UGT1A3: variants seen among roughly 807,000 people sequenced by gnomAD.
UGT1A3 encodes the protein UDP glucuronosyltransferase family 1 member A3, also known as UDP-glucuronosyltransferase 1A3.
A neutral mutation model predicts 41.0 loss-of-function variants in UGT1A3; 31 were observed. The observed-to-expected ratio is 0.76, with a 90% confidence interval of 0.57 to 1.02. UGT1A3 has a LOEUF of 1.02. UGT1A3 is among the 50% of genes least tolerant of loss of function. The pLI, the probability that UGT1A3 is intolerant of heterozygous loss-of-function variation, is 0.00. For missense variants in UGT1A3, 737 were observed against 671.0 expected (o/e 1.10, Z -1.09); for synonymous variants, 262 against 257.6 (o/e 1.02, Z -0.17).
At chr2:233,753,876 C>T (rs1268305886) in intron 1 of UGT1A3, among the ~76,000 whole-genome samples, 1 of 152,310 alleles carries the variant, frequency 6.6e-6, no homozygotes, top group East Asian at 1.9e-4. Flanking sequence ...AAGGTCTGTC[C>T]TCAGCCTTCA....
Position 233,744,054 on chromosome 2 carries a change from T to C in UGT1A3, c.867+14061T>C, listed in dbSNP as rs150741507. ...TTATGACGCAGCCACATCTCATTGG[T>C]CGAGGCCTATGAGCGCCTCGCATCC... On this transcript the variant is annotated intron_variant, in intron 1 of 4. Transcript: ENST00000482026. The C allele has an allele frequency of 5.9e-3, 3,770 of 635,096 alleles. 152 individuals carry two copies. In the East Asian group the frequency reaches 0.082, roughly 14 times the overall value. 39.3% of individuals were successfully genotyped at this position (635,096 alleles called of 1,614,324 possible).
chr2:233,746,532 C>T (rs1693419043), intron 1 of UGT1A3, among the ~76,000 whole-genome samples: 1 of 151,756 alleles, frequency 6.6e-6, no homozygotes, highest in South Asian at 2.1e-4. Context: ...CATATTGCTG[C>T]CCTGCTGTGT....
intron 1 of UGT1A3, chr2:233,747,817 C>T: frequency 6.2e-7 from 1 of 1,613,510 alleles, no homozygotes; most frequent in South Asian, 1.1e-5. Flanking sequence ...ACGACCAATT[C>T]AGACCACATG....
In UGT1A3 at chr2:233,730,000, A is replaced by T. The variant is rs569428615; in HGVS notation, c.867+7A>T. On this transcript the variant is annotated splice_region_variant and intron_variant, in intron 1 of 4. Transcript: ENST00000482026. ...CAGGAAGCCACTATCTCAGGTCTGT[A>T]TTGGTGCCTTCATCCAATCAATGTT... is the stretch of plus-strand genomic sequence containing the variant. The T allele has an allele frequency of 9.3e-6, 15 of 1,614,004 alleles. No individual in the cohort carries two copies. Among genetic ancestry groups the T allele is most frequent in the Non-Finnish European group, 1.1e-5 (13 of 1,179,908 alleles).
At position 233,760,758 on chromosome 2, in the gene UGT1A3, C is replaced by T. The variant is rs765894633; in HGVS notation, c.868-6276C>T. The stretch of plus-strand genomic sequence containing the variant: ...TGACGGACCCTTTCCTTCCTTGCAG[C>T]CCCATCGTGGCCCAGTACCTGTCTC... On this transcript the variant is annotated intron_variant, in intron 1 of 4. Transcript: ENST00000482026. 28 of 1,613,982 alleles carry T rather than the reference C, an allele frequency of 1.7e-5. No homozygotes were observed. In the Admixed American group the frequency reaches 3.0e-4, roughly 17 times the overall value.
At chr2:233,757,533 GGAA>G in intron 1 of UGT1A3, among the ~76,000 whole-genome samples, 1 of 52,410 alleles carries the variant, frequency 1.9e-5, no homozygotes, top group African/African-American at 1.3e-4. Context: ...TTGCCTGTAA[GGAA>G]TATATATATA....
Position 233,766,262 on chromosome 2 carries a change from C to T in UGT1A3, c.868-772C>T, listed in dbSNP as rs34353734. On this transcript the variant is annotated intron_variant, in intron 1 of 4. Coordinates refer to ENST00000482026, the MANE Select transcript of UGT1A3 (RefSeq NM_019093.4). ...CCCCTGGAGTCAGACCGCTCAGTGG[C>T]CCGGGCTCGGTGGCCCGGGCTCGGT... is the stretch of plus-strand genomic sequence containing the variant. Among the ~76,000 whole-genome samples, 215 of 68,078 alleles carry T rather than the reference C, an allele frequency of 3.2e-3. 2 individuals carry two copies. Among genetic ancestry groups the T allele is most frequent in the African/African-American group, 0.015 (204 of 13,924 alleles). 44.7% of individuals were successfully genotyped at this position (68,078 alleles called of 152,430 possible).
intron 1 of UGT1A3, among the ~76,000 whole-genome samples, chr2:233,737,149 C>G (rs2125805846): frequency 6.6e-6 from 1 of 152,368 alleles, no homozygotes; most frequent in South Asian, 2.1e-4. Flanking sequence ...TTCAGATATG[C>G]CCTGCCCACA....
chr2:233,767,858 CG>C lies in UGT1A3; in HGVS notation c.1011del (p.Tyr338ThrfsTer29). The C allele has an allele frequency of 6.2e-7, 1 of 1,614,120 alleles. No individual in the cohort carries two copies. Among genetic ancestry groups the C allele is most frequent in the South Asian group, 1.1e-5 (1 of 91,080 alleles). On this transcript the variant is annotated frameshift_variant, in exon 3 of 5. Coordinates refer to ENST00000482026, the MANE Select transcript of UGT1A3 (RefSeq NM_019093.4). LOFTEE classifies it high-confidence loss of function. ...LGKIPQTVLW[R>X]YTGTRPSNLA... The stretch of plus-strand genomic sequence containing the variant: ...TTTTTGCCCCTCCCAGGTCCTGTGG[CG>C]GTACACTGGAACCCGACCATCGAAT...
At chr2:233,771,815 C>T in intron 4 of UGT1A3, among the ~76,000 whole-genome samples, 1 of 135,588 alleles carries the variant, frequency 7.4e-6, no homozygotes, top group Admixed American at 7.6e-5. Flanking sequence ...TTCCTCCTTT[C>T]CTTGCTTCCT....
rs1700541312 is a variant in UGT1A3 at position 233,772,678 on chromosome 2, A to T, written c.*119A>T. On this transcript the variant is annotated 3_prime_UTR_variant, in exon 5 of 5. Transcript: ENST00000482026. ...TTAAGGAAATACTTTGCATAAATTA[A>T]TCAGCCCCAGAGTGCTTTAAAAAAT... The T allele has an allele frequency of 6.5e-7, 1 of 1,531,784 alleles. No homozygotes were observed. The highest frequency in any genetic ancestry group is 1.4e-5 in the African/African-American group (1 of 72,498). 94.9% of individuals were successfully genotyped at this position (1,531,784 alleles called of 1,614,324 possible).
Position 233,767,767 on chromosome 2 carries a change from T to C in UGT1A3, c.1000-82T>C, listed in dbSNP as rs2302538. Reference sequence around the variant, plus strand: ...AAAGACTGTTCCTTCAGAGGACCCCTGTTTTCTAGTTAGTATAGCAGATTT... The same window carrying C: ...AAAGACTGTTCCTTCAGAGGACCCCCGTTTTCTAGTTAGTATAGCAGATTT... On this transcript the variant is annotated intron_variant, in intron 2 of 4. Coordinates refer to ENST00000482026, the MANE Select transcript of UGT1A3 (RefSeq NM_019093.4). The C allele has an allele frequency of 0.14, 222,887 of 1,608,838 alleles. 18,348 individuals are homozygous for C. Among genetic ancestry groups the C allele is most frequent in the African/African-American group, 0.38 (28,350 of 74,890 alleles).
chr2:233,745,177 T>C (rs1693032562), intron 1 of UGT1A3, among the ~76,000 whole-genome samples: 1 of 151,880 alleles, frequency 6.6e-6, no homozygotes, highest in South Asian at 2.1e-4. Flanking sequence ...TTATTCACTT[T>C]TCTTGACTGC....
intron 1 of UGT1A3, among the ~76,000 whole-genome samples, chr2:233,736,665 A>C (rs1163835582): frequency 2.0e-5 from 3 of 152,142 alleles, no homozygotes; most frequent in Non-Finnish European, 4.4e-5. Flanking sequence ...TATGTACCTT[A>C]GGTCTTTGAT....
At chr2:233,747,795 CCTAAGTTA>C (rs2125887995) in intron 1 of UGT1A3, 1 of 1,613,516 alleles carries the variant, frequency 6.2e-7, no homozygotes, top group South Asian at 1.1e-5. Context: ...CTCCTATATT[CCTAAGTTA>C]CTAACGACCA....
At chr2:233,741,088 C>T (rs758751982) in intron 1 of UGT1A3, among the ~76,000 whole-genome samples, 13 of 151,840 alleles carry the variant, frequency 8.6e-5, no homozygotes, top group Non-Finnish European at 1.9e-4. Flanking sequence ...TTAAAACAAA[C>T]AAGCAAACAG....
chr2:233,767,781 T>C (rs1559414457), intron 2 of UGT1A3, 68 bp from the exon 3 acceptor site: 3 of 1,613,388 alleles, frequency 1.9e-6, no homozygotes, highest in East Asian at 2.2e-5. Context: ...TTCTAGTTAG[T>C]ATAGCAGATT....
Position 233,729,414 on chromosome 2 carries a change from C to T in UGT1A3, c.288C>T (p.His96=), listed in dbSNP as rs1422584359. 1.9e-6 allele frequency: 3 copies of T among 1,613,716 alleles called. No individual in the cohort carries two copies. Among genetic ancestry groups the T allele is most frequent in the Non-Finnish European group, 2.5e-6 (3 of 1,179,732 alleles). The change falls in exon 1 of 5, where the codon CAC becomes CAT. Residue 96 remains histidine, a synonymous_variant. Coordinates refer to ENST00000482026, the MANE Select transcript of UGT1A3 (RefSeq NM_019093.4). ...QDEFDRHVLG[H]TQLYFETEHF... ...AATTTGATCGCCATGTGCTGGGCCA[C>T]ACTCAACTGTACTTTGAAACAGAAC...
At chr2:233,767,557 A>T (rs1326984430) in intron 2 of UGT1A3, among the ~76,000 whole-genome samples, 2 of 152,218 alleles carry the variant, frequency 1.3e-5, no homozygotes, top group African/African-American at 4.8e-5. Flanking sequence ...TTCTGCATCC[A>T]CTTGTTTCAT....
Sources: allele counts gnomAD v4.1 joint callset (sites outside exome capture counted in the v4.1 genomes callset), GRCh38; gene constraint gnomAD v4.1.1; transcripts MANE v1.5; gene names NCBI Gene and HGNC (gene_info 2026-07-23, HGNC 2026-07-21).